The following CFAP57 variants were observed in gnomAD, a reference collection of about 807,000 sequenced individuals.
CFAP57 encodes cilia and flagella associated protein 57, also known as cilia- and flagella-associated protein 57.
A neutral mutation model predicts 146.8 loss-of-function variants in CFAP57; 116 were observed. That is an observed-to-expected ratio of 0.79 (90% CI 0.68 to 0.92). The LOEUF (loss-of-function observed/expected upper bound fraction) is 0.92, where lower values mean the gene tolerates loss of function less well. Among genes scored for constraint, CFAP57 ranks in the 40% least tolerant of loss-of-function variants. The probability of loss-of-function intolerance (pLI) is 0.00; values close to 1 mark genes in which losing one functional copy is unlikely to be tolerated. For missense variants in CFAP57, 1,377 were observed against 1,527.2 expected, an observed-to-expected ratio of 0.90 and a Z score of 1.64; for synonymous variants, 518 against 552.8, an observed-to-expected ratio of 0.94 and a Z score of 0.88.
intron 18 of CFAP57, among the ~76,000 whole-genome samples, chr1:43,231,055 C>T (rs1645446973): frequency 6.6e-6 from 1 of 152,186 alleles, no homozygotes; most frequent in Non-Finnish European, 1.5e-5. Context: ...GTGTTTCAGG[C>T]TCTTTTCGTG....
At chr1:43,210,929 T>G (rs1644577849) in intron 11 of CFAP57, 1 of 101,498 alleles carries the variant, frequency 9.9e-6, no homozygotes, top group South Asian at 3.7e-4. Flanking sequence ...TAAAAGTTAT[T>G]CATAGTGCAA....
chr1:43,187,969 A>G (rs1213776369), intron 6 of CFAP57, among the ~76,000 whole-genome samples: 1 of 152,010 alleles, frequency 6.6e-6, no homozygotes, highest in Non-Finnish European at 1.5e-5. Flanking sequence ...ACACCCAGCT[A>G]GCTTTTGTAT....
At chr1:43,233,110 G>A (rs925108239) in intron 19 of CFAP57, among the ~76,000 whole-genome samples, 2 of 152,168 alleles carry the variant, frequency 1.3e-5, no homozygotes, top group Non-Finnish European at 2.9e-5. Flanking sequence ...GGCTAATAAT[G>A]GAATCTAGGT....
intron 2 of CFAP57, among the ~76,000 whole-genome samples, chr1:43,174,787 G>T (rs1645108134): frequency 6.6e-6 from 1 of 152,176 alleles, no homozygotes. Context: ...CTGCACTCCA[G>T]CCTGGGAAAC....
At position 43,222,138 on chromosome 1, in the gene CFAP57, A is replaced by G; in HGVS notation, c.2375A>G (p.Tyr792Cys). The change falls in exon 15 of 23, where the codon TAT becomes TGT. Residue 792 changes from tyrosine (Y) to cysteine (C), a missense_variant. By Grantham distance (194) the Tyr-to-Cys change is radical. Transcript: ENST00000372492. The part of the protein sequence containing the change: ...CCNNQKLLLE[Y>C]EKYQELQLKS... ...AACAACCAAAAGTTGCTTCTAGAAT[A>G]TGAGAAGTACCAGGAGCTGCAGCTC... 3.9e-6 allele frequency: 6 copies of G among 1,548,206 alleles called. No individual in the cohort carries two copies. Among genetic ancestry groups the G allele is most frequent in the Non-Finnish European group, 5.2e-6 (6 of 1,145,672 alleles).
intron 2 of CFAP57, among the ~76,000 whole-genome samples, chr1:43,178,264 C>T (rs537908523): frequency 9.9e-5 from 15 of 152,242 alleles, no homozygotes; most frequent in African/African-American, 3.6e-4. Flanking sequence ...AAAGCAATGG[C>T]GACAAAAGCC....
intron 11 of CFAP57, among the ~76,000 whole-genome samples, chr1:43,213,315 C>T (rs1644699663): frequency 6.6e-6 from 1 of 152,180 alleles, no homozygotes; most frequent in Non-Finnish European, 1.5e-5. Context: ...TTTTCTGTAC[C>T]TGACATATTT....
intron 22 of CFAP57, among the ~76,000 whole-genome samples, chr1:43,249,318 T>C (rs1646241204): frequency 6.6e-6 from 1 of 151,982 alleles, no homozygotes; most frequent in Admixed American, 6.6e-5. Context: ...CCCATTGACA[T>C]GTATTTGGTT....
rs190173969 is a variant in CFAP57, at chr1:43,219,911, A to T, written c.2247+374A>T. Among the ~76,000 whole-genome samples, 95 of 152,310 alleles carry T rather than the reference A, an allele frequency of 6.2e-4. 1 individual carries two copies. In the East Asian group the frequency reaches 0.018, roughly 29 times the overall value. On this transcript the variant is annotated intron_variant, in intron 13 of 22. Coordinates refer to ENST00000372492, the MANE Select transcript of CFAP57 (RefSeq NM_001378189.1). Reference sequence around the variant, plus strand: ...GAAGTGGAGGTTGTAGTGAGCTGAGATCGCTCCACAGCACTCCAACCTGGG... The same window carrying T: ...GAAGTGGAGGTTGTAGTGAGCTGAGTTCGCTCCACAGCACTCCAACCTGGG...
intron 17 of CFAP57, among the ~76,000 whole-genome samples, chr1:43,224,948 G>C (rs1437350213): frequency 1.3e-5 from 2 of 152,166 alleles, no homozygotes; most frequent in African/African-American, 4.8e-5. Context: ...CTATAAAATG[G>C]GGATGATAAC....
intron 9 of CFAP57, among the ~76,000 whole-genome samples, chr1:43,203,861 T>C (rs188855233): frequency 1.3e-5 from 2 of 152,226 alleles, no homozygotes; most frequent in Admixed American, 1.3e-4. Flanking sequence ...ATTGTACTTC[T>C]TGGATGTGTA....
At chr1:43,224,854 A>G (rs1402808464) in intron 17 of CFAP57, among the ~76,000 whole-genome samples, 3 of 152,162 alleles carry the variant, frequency 2.0e-5, no homozygotes, top group Non-Finnish European at 4.4e-5. Flanking sequence ...CGTGGGCTTC[A>G]GTGTTAGGGA....
At chr1:43,202,292 A>G (rs1644159046) in intron 9 of CFAP57, among the ~76,000 whole-genome samples, 2 of 152,250 alleles carry the variant, frequency 1.3e-5, no homozygotes, top group Admixed American at 1.3e-4. Context: ...AAGGCAGGAA[A>G]TAAAGATAAG....
At chr1:43,202,589 C>G (rs1644174717) in intron 9 of CFAP57, among the ~76,000 whole-genome samples, 1 of 151,434 alleles carries the variant, frequency 6.6e-6, no homozygotes, top group Admixed American at 6.6e-5. Context: ...TCGAGACCAG[C>G]CTGGCCAACA....
intron 2 of CFAP57, among the ~76,000 whole-genome samples, chr1:43,174,853 A>G (rs1401495913): frequency 2.0e-5 from 3 of 152,178 alleles, no homozygotes; most frequent in Non-Finnish European, 4.4e-5. Context: ...ACTTTCCAAT[A>G]TAAATTAAAT....
intron 1 of CFAP57, 84 bp downstream of exon 1, chr1:43,172,537 G>C (rs972294217): frequency 1.1e-5 from 14 of 1,277,738 alleles, no homozygotes; most frequent in Admixed American, 2.2e-5. Flanking sequence ...GAGCCGCGGG[G>C]GTGGGGTGGC....
intron 6 of CFAP57, among the ~76,000 whole-genome samples, chr1:43,195,534 A>G (rs1033414931): frequency 5.4e-5 from 8 of 147,356 alleles, no homozygotes; most frequent in African/African-American, 2.0e-4. Flanking sequence ...GAAAAAAAGA[A>G]AAAAAAAAAA....
Position 43,219,241 on chromosome 1 carries a change from G to A in CFAP57, c.2092-141G>A, listed in dbSNP as rs1044014635. 1.5e-5 allele frequency: 14 copies of A among 903,570 alleles called. No homozygotes were observed. The Admixed American group carries it at 4.2e-4, about 27-fold the overall frequency. 56.0% of individuals were successfully genotyped at this position (903,570 alleles called of 1,614,324 possible). On this transcript the variant is annotated intron_variant, in intron 12 of 22. Transcript: ENST00000372492. The stretch of plus-strand genomic sequence containing the variant: ...ATTTTTAGCTGATGTGCCTTCTGGG[G>A]AAAAGATGACAAGTTCTAGTTGAGA...
chr1:43,222,043 C>T (rs1645066393), intron 14 of CFAP57, 62 bp from the exon 15 acceptor site: 1 of 1,441,096 alleles, frequency 6.9e-7, no homozygotes, highest in African/African-American at 1.4e-5. Context: ...CCCAAGGCTC[C>T]TGGGTGTCCC....
Sources: gnomAD v4.1 joint callset for allele counts (sites outside exome capture counted in the v4.1 genomes callset) on GRCh38, gnomAD v4.1.1 for gene constraint, MANE v1.5 for transcripts, NCBI Gene and HGNC (gene_info 2026-07-23, HGNC 2026-07-21) for gene names.